CPLANE1: variants seen among roughly 807,000 people sequenced by gnomAD.
CPLANE1 encodes ciliogenesis and planar polarity effector 1.
A neutral mutation model predicts 362.5 loss-of-function variants in CPLANE1; 263 were observed. The observed-to-expected ratio is 0.73, with a 90% CI of 0.66 to 0.80. The LOEUF (loss-of-function observed/expected upper bound fraction) is 0.80. Among genes scored for constraint, CPLANE1 ranks in the 30% least tolerant of loss-of-function variants. The pLI, the probability that CPLANE1 is intolerant of heterozygous loss-of-function variation, is 0.00. For synonymous variants in CPLANE1, 1,212 were observed against 1,302.6 expected, an observed-to-expected ratio of 0.93 and a Z score of 1.50; for missense variants, 3,461 against 3,793.4, an observed-to-expected ratio of 0.91 and a Z score of 2.30.
In CPLANE1 at chr5:37,183,335, C is replaced by A; in HGVS notation, c.4846G>T (p.Gly1616Cys). Residue 1616 changes from glycine (G) to cysteine (C), a missense_variant, in exon 26 of 53, where the codon GGT becomes TGT. By Grantham distance (159) the Gly-to-Cys change is radical. This residue lies in a region of CPLANE1 where 3,380 missense variants were observed against 3,666.1 expected (regional missense o/e 0.92). Coordinates refer to ENST00000651892, the MANE Select transcript of CPLANE1 (RefSeq NM_001384732.1). Reference sequence around the variant, plus strand: ...TCAGGAGCAACAACAAAGCAAGAACCAGCTCTAAACACATTCTGGCTTTTA... The same window carrying A: ...TCAGGAGCAACAACAAAGCAAGAACAAGCTCTAAACACATTCTGGCTTTTA... ...KTKSQNVFRA[G>C]SCFVVAPESY... 8.7e-6 allele frequency: 14 copies of A among 1,612,266 alleles called. No individual in the cohort carries two copies. Among genetic ancestry groups the A allele is most frequent in the Non-Finnish European group, 1.2e-5 (14 of 1,179,526 alleles).
intron 43 of CPLANE1, among the ~76,000 whole-genome samples, chr5:37,143,936 G>GAA (rs10715136): frequency 1.6e-5 from 2 of 126,030 alleles, no homozygotes; most frequent in Non-Finnish European, 1.7e-5. Flanking sequence ...ACTCTGTCTC[G>GAA]AAAAAAAAAA....
chr5:37,077,047 A>ATAGAC, the CPLANE1 span, among the ~76,000 whole-genome samples: 4 of 151,958 alleles, frequency 2.6e-5, no homozygotes, highest in African/African-American at 9.7e-5. Flanking sequence ...ATGTAAATGA[A>ATAGAC]TAGACAGGAT....
At chr5:37,167,618 G>T (rs1323438556) in intron 34 of CPLANE1, among the ~76,000 whole-genome samples, 2 of 152,024 alleles carry the variant, frequency 1.3e-5, no homozygotes, top group African/African-American at 4.8e-5. Flanking sequence ...CCCTACTAAA[G>T]ATATAAAAAA....
chr5:37,187,427 G>T lies in CPLANE1; in HGVS notation c.4067C>A (p.Pro1356Gln). 2 of 1,610,930 alleles carry T rather than the reference G, an allele frequency of 1.2e-6. No homozygotes were observed. The highest frequency in any genetic ancestry group is 8.5e-7 in the Non-Finnish European group (1 of 1,179,008). ...DIILSLIGEL[P>Q]PIRKVAEIFV... is the part of the protein sequence containing the mutation. Reference sequence around the variant, plus strand: ...CAAGCACATTACCTTTCTGATTGGTGGCAGTTCTCCAATAAGGCTCAAAAT... The same window carrying T: ...CAAGCACATTACCTTTCTGATTGGTTGCAGTTCTCCAATAAGGCTCAAAAT... Residue 1356 changes from proline (P) to glutamine (Q), a missense_variant, in exon 23 of 53, where the codon CCA becomes CAA. Coordinates refer to ENST00000651892, the MANE Select transcript of CPLANE1 (RefSeq NM_001384732.1).
intron 46 of CPLANE1, among the ~76,000 whole-genome samples, chr5:37,135,070 G>A (rs1767226748): frequency 6.6e-6 from 1 of 152,140 alleles, no homozygotes; most frequent in Admixed American, 6.5e-5. Flanking sequence ...TGGGATTACA[G>A]ATGTGAGCCA....
chr5:37,078,052 T>C, the CPLANE1 span, among the ~76,000 whole-genome samples: 1 of 152,168 alleles, frequency 6.6e-6, no homozygotes. Flanking sequence ...AAAACAATTT[T>C]TTATCTTCAG....
Position 37,205,463 on chromosome 5 carries a change from A to C in CPLANE1, c.3150-9T>G. ...GACTCTTTTTCTTGGACCTGAAATG[A>C]CATCAAATTAAGGGAAATGAATCCA... On this transcript the variant is annotated splice_polypyrimidine_tract_variant and intron_variant, in intron 17 of 52. Coordinates refer to ENST00000651892, the MANE Select transcript of CPLANE1 (RefSeq NM_001384732.1). 2.0e-6 allele frequency: 3 copies of C among 1,486,296 alleles called. No individual in the cohort carries two copies. Among genetic ancestry groups the C allele is most frequent in the South Asian group, 2.8e-5 (2 of 70,814 alleles). 92.1% of individuals were successfully genotyped at this position (1,486,296 alleles called of 1,614,324 possible).
chr5:37,093,758 G>A, the CPLANE1 span, among the ~76,000 whole-genome samples: 9 of 152,254 alleles, frequency 5.9e-5, no homozygotes, highest in South Asian at 4.2e-4. Flanking sequence ...AAACAGAAAA[G>A]GGAGAGATGT....
At chr5:37,136,080 G>A (rs766503835) in intron 46 of CPLANE1, among the ~76,000 whole-genome samples, 5 of 151,976 alleles carry the variant, frequency 3.3e-5, no homozygotes, top group Non-Finnish European at 5.9e-5. Context: ...AGTCCCCCAC[G>A]GTCTTAACTC....
Position 37,162,462 on chromosome 5 carries a change from T to C in CPLANE1, c.7690+3A>G. On this transcript the variant is annotated splice_donor_region_variant and intron_variant, in intron 38 of 52. Transcript: ENST00000651892. ...TTTTTTTAAAAAGTAAAACAGCATT[T>C]ACCTGGGTCTGTATTTGTACTTGCA... 6.3e-7 allele frequency: 1 copy of C among 1,578,034 alleles called. No individual in the cohort carries two copies. The highest frequency in any genetic ancestry group is 2.2e-5 in the East Asian group (1 of 44,706).
intron 19 of CPLANE1, among the ~76,000 whole-genome samples, chr5:37,201,288 C>T (rs1789115850): frequency 6.6e-6 from 1 of 152,122 alleles, no homozygotes; most frequent in Non-Finnish European, 1.5e-5. Context: ...ATAATTTTAA[C>T]ATTTATTGAA....
At chr5:37,137,242 G>A (rs544495594) in intron 46 of CPLANE1, among the ~76,000 whole-genome samples, 12 of 152,184 alleles carry the variant, frequency 7.9e-5, no homozygotes, top group South Asian at 6.2e-4. Context: ...TACCAGTCTC[G>A]TTGCTAAAAC....
chr5:37,085,296 T>C, the CPLANE1 span: 4 of 1,029,814 alleles, frequency 3.9e-6, no homozygotes, highest in East Asian at 2.4e-5. Context: ...TGATATAACC[T>C]ACCCTGCTGG....
chr5:37,244,652 T>A (rs918089262), intron 4 of CPLANE1, 45 bp from the exon 5 acceptor site: 23 of 1,067,706 alleles, frequency 2.2e-5, no homozygotes, highest in Non-Finnish European at 3.1e-5. Flanking sequence ...GAAGTCTGAA[T>A]TCCCCCCAAT....
rs537001435 is a variant in CPLANE1, at chr5:37,195,055, T to G, written c.3811+803A>C. ...CTGTAGTCCCAGCTACTTGGGAGGC[T>G]GAGGCAGGAGAATATCGGGAACCCA... On this transcript the variant is annotated intron_variant, in intron 21 of 52. Coordinates refer to ENST00000651892, the MANE Select transcript of CPLANE1 (RefSeq NM_001384732.1). 8.6e-5 allele frequency among the ~76,000 whole-genome samples: 13 copies of G among 150,490 alleles called. No individual in the cohort carries two copies. The South Asian group carries it at 2.7e-3, about 32-fold the overall frequency.
At chr5:37,158,834 G>A (rs1272868250) in intron 38 of CPLANE1, among the ~76,000 whole-genome samples, 1 of 150,150 alleles carries the variant, frequency 6.7e-6, no homozygotes, top group Admixed American at 6.6e-5. Context: ...TGTCACCCAG[G>A]CTGCAGTGCA....
intron 46 of CPLANE1, among the ~76,000 whole-genome samples, chr5:37,126,651 C>A (rs959654446): frequency 2.6e-5 from 4 of 152,170 alleles, no homozygotes; most frequent in Non-Finnish European, 4.4e-5. Context: ...CTTGGAGGAT[C>A]TGAACTAACA....
At chr5:37,229,279 C>T (rs909797069) in intron 9 of CPLANE1, among the ~76,000 whole-genome samples, 3 of 151,018 alleles carry the variant, frequency 2.0e-5, no homozygotes, top group South Asian at 2.1e-4. Flanking sequence ...GGAGGCCGGG[C>T]GCGGTGGCTC....
At chr5:37,215,998 AT>A (rs1170839429) in intron 15 of CPLANE1, among the ~76,000 whole-genome samples, 3 of 151,124 alleles carry the variant, frequency 2.0e-5, no homozygotes, top group African/African-American at 4.9e-5. Context: ...TGACCGGCTA[AT>A]TTTTTTTGTA....
Sources: allele counts gnomAD v4.1 joint callset (sites outside exome capture counted in the v4.1 genomes callset), GRCh38; gene constraint gnomAD v4.1.1; regional missense constraint gnomAD v4.1.1; transcripts MANE v1.5; gene names NCBI Gene and HGNC (gene_info 2026-07-23, HGNC 2026-07-21).